ERC2: variants seen among roughly 807,000 people sequenced by gnomAD.
ERC2 encodes ELKS/RAB6-interacting/CAST family member 2.
Under a neutral mutation model 114.8 loss-of-function variants are expected in ERC2, and 42 were observed. That is an observed-to-expected ratio of 0.37 (90% CI 0.29 to 0.47). The LOEUF (loss-of-function observed/expected upper bound fraction) is 0.47, where lower values mean the gene tolerates loss of function less well. ERC2 is among the 20% of genes least tolerant of loss of function. The probability of loss-of-function intolerance (pLI) is 0.99; values close to 1 mark genes in which losing one functional copy is unlikely to be tolerated. For synonymous variants in ERC2, 454 were observed against 425.5 expected (o/e 1.07, Z -0.82); for missense variants, 939 against 1,150.7 (o/e 0.82, Z 2.66).
At chr3:55,767,498 G>C (rs370818577) in intron 14 of ERC2, among the ~76,000 whole-genome samples, 19 of 152,116 alleles carry the variant, frequency 1.2e-4, no homozygotes, top group Non-Finnish European at 2.4e-4. Context: ...AGCTCCACTC[G>C]GAGTTACTCC....
chr3:56,427,143 C>T (rs1316012394), intron 2 of ERC2, among the ~76,000 whole-genome samples: 1 of 149,892 alleles, frequency 6.7e-6, no homozygotes, highest in African/African-American at 2.5e-5. Context: ...GCCTGGGTCA[C>T]ACAGTGAGAT....
intron 14 of ERC2, among the ~76,000 whole-genome samples, chr3:55,823,506 G>A (rs369599929): frequency 5.9e-5 from 9 of 152,042 alleles, no homozygotes; most frequent in Admixed American, 2.6e-4. Context: ...GTCATTCATA[G>A]TGCATGCCCC....
chr3:55,998,673 T>G (rs1230215810), intron 10 of ERC2, among the ~76,000 whole-genome samples: 2 of 152,200 alleles, frequency 1.3e-5, no homozygotes, highest in Non-Finnish European at 2.9e-5. Context: ...AAACAATGAC[T>G]GTGAAAGCAT....
chr3:55,883,539 TAC>T (rs34468467), intron 14 of ERC2, among the ~76,000 whole-genome samples: 3,430 of 143,360 alleles, frequency 0.024, 34 homozygotes, highest in East Asian at 0.041. Context: ...TAATTAAACA[TAC>T]ACACACACAC....
intron 15 of ERC2, among the ~76,000 whole-genome samples, chr3:55,731,955 C>T (rs962118726): frequency 2.0e-5 from 3 of 152,072 alleles, no homozygotes; most frequent in African/African-American, 7.2e-5. Context: ...GATAAGGAGG[C>T]CTCACAATTT....
intron 3 of ERC2, among the ~76,000 whole-genome samples, chr3:56,177,202 A>G (rs772637525): frequency 7.2e-5 from 11 of 152,222 alleles, no homozygotes; most frequent in Non-Finnish European, 1.6e-4. Flanking sequence ...AGGCAAATTA[A>G]TACCTTATTA....
intron 17 of ERC2, among the ~76,000 whole-genome samples, chr3:55,524,500 G>GTTTT (rs34258011): frequency 7.4e-5 from 9 of 120,836 alleles, no homozygotes; most frequent in African/African-American, 9.5e-5. Flanking sequence ...AGCTCCAGTG[G>GTTTT]TTTTTTTTTT....
Position 55,701,694 on chromosome 3 carries a change from G to C in ERC2, c.2713-2182C>G, listed in dbSNP as rs76675928. 1.9e-3 allele frequency among the ~76,000 whole-genome samples: 282 copies of C among 152,250 alleles called. 2 individuals carry two copies. In the East Asian group the frequency reaches 0.027, roughly 15 times the overall value. On this transcript the variant is annotated intron_variant, in intron 15 of 17. Coordinates refer to ENST00000288221, the MANE Select transcript of ERC2 (RefSeq NM_015576.3). The stretch of plus-strand genomic sequence containing the variant: ...ACTTAAAGTGTCAGAAGACCCAATG[G>C]GCAAGTTATGCCTTGTGAGAAAGAG...
At chr3:55,557,079 T>C (rs1233787580) in intron 17 of ERC2, among the ~76,000 whole-genome samples, 1 of 152,112 alleles carries the variant, frequency 6.6e-6, no homozygotes, top group African/African-American at 2.4e-5. Flanking sequence ...ATATGACAAA[T>C]GCTGTGAGCA....
rs536535687 is a variant in ERC2 at position 56,047,119 on chromosome 3, A to C, written c.1642-28088T>G. Among the ~76,000 whole-genome samples the C allele has an allele frequency of 9.8e-5, 15 of 152,338 alleles. 1 individual carries two copies. The South Asian group carries it at 3.1e-3, about 32-fold the overall frequency. On this transcript the variant is annotated intron_variant, in intron 7 of 17. Transcript: ENST00000288221. ...AGTCTTGTTCTGAAATCGGATATTT[A>C]AAGAAGCAATCTGCTTTTGTCTATG... is the stretch of plus-strand genomic sequence containing the variant.
chr3:56,033,787 T>G (rs774795369), intron 7 of ERC2, among the ~76,000 whole-genome samples: 1 of 152,126 alleles, frequency 6.6e-6, no homozygotes, highest in Admixed American at 6.5e-5. Flanking sequence ...GCCTACAAGA[T>G]TTCTTTTTTT....
chr3:56,415,449 T>C (rs557685324), intron 2 of ERC2, among the ~76,000 whole-genome samples: 194 of 152,342 alleles, frequency 1.3e-3, no homozygotes, highest in African/African-American at 4.4e-3. Flanking sequence ...AGGGAATAGA[T>C]CACACAGTCC....
chr3:56,241,525 C>T (rs2051321201), intron 3 of ERC2, among the ~76,000 whole-genome samples: 1 of 152,068 alleles, frequency 6.6e-6, no homozygotes, highest in African/African-American at 2.4e-5. Context: ...ACCATTCAAC[C>T]CAGCAAATCT....
intron 17 of ERC2, among the ~76,000 whole-genome samples, chr3:55,679,301 A>T (rs1023167199): frequency 6.6e-6 from 1 of 152,098 alleles, no homozygotes; most frequent in Non-Finnish European, 1.5e-5. Context: ...TCCCAAATGC[A>T]CGCCTTGGCA....
At chr3:55,997,889 T>G (rs1239490764) in intron 10 of ERC2, among the ~76,000 whole-genome samples, 6 of 50,624 alleles carry the variant, frequency 1.2e-4, no homozygotes, top group African/African-American at 1.2e-4. Context: ...TGTTTTTTTT[T>G]TTTTTTTTTT....
chr3:56,084,399 T>G (rs1350822239), intron 6 of ERC2, among the ~76,000 whole-genome samples: 1 of 152,218 alleles, frequency 6.6e-6, no homozygotes, highest in Non-Finnish European at 1.5e-5. Flanking sequence ...AAAAGATACC[T>G]GTATGTGTAT....
At position 55,887,519 on chromosome 3, in the gene ERC2, A is replaced by G. The variant is rs570670302; in HGVS notation, c.2564+870T>C. On this transcript the variant is annotated intron_variant, in intron 14 of 17. Coordinates refer to ENST00000288221, the MANE Select transcript of ERC2 (RefSeq NM_015576.3). ...GTATGTTTCCCCTTACTGTGGAGGG[A>G]AGTTAGATTTAAATTATAATTTAGT... 5.3e-5 allele frequency among the ~76,000 whole-genome samples: 8 copies of G among 152,298 alleles called. No individual in the cohort carries two copies. The Middle Eastern group carries it at 0.014, about 259-fold the overall frequency.
chr3:55,904,636 T>G (rs2064326547), intron 13 of ERC2, among the ~76,000 whole-genome samples: 2 of 152,290 alleles, frequency 1.3e-5, no homozygotes, highest in South Asian at 4.1e-4. Context: ...GAAACCATCA[T>G]GAACATGTTC....
chr3:55,695,196 T>C (rs2062864930), intron 16 of ERC2, among the ~76,000 whole-genome samples: 1 of 152,122 alleles, frequency 6.6e-6, no homozygotes, highest in Non-Finnish European at 1.5e-5. Flanking sequence ...CTAAGAAAAA[T>C]CTCTAATGTG....
Sources: allele counts gnomAD v4.1 joint callset (sites outside exome capture counted in the v4.1 genomes callset), GRCh38; gene constraint gnomAD v4.1.1; transcripts MANE v1.5; gene names NCBI Gene and HGNC (gene_info 2026-07-23, HGNC 2026-07-21).